CEP162: variants seen among roughly 807,000 people sequenced by gnomAD.
CEP162 encodes centrosomal protein 162.
A neutral mutation model predicts 169.2 loss-of-function variants in CEP162; 141 were observed. That is an observed-to-expected ratio of 0.83 (90% CI 0.73 to 0.96). CEP162 has a LOEUF of 0.96. Ranked by LOEUF, CEP162 falls within the 40% of genes least tolerant of loss-of-function variation. CEP162 has a pLI of 0.00. For missense variants in CEP162, 1,600 were observed against 1,587.2 expected, an observed-to-expected ratio of 1.01 and a Z score of -0.14; for synonymous variants, 540 against 526.4, an observed-to-expected ratio of 1.03 and a Z score of -0.35.
intron 5 of CEP162, 95 bp downstream of exon 5, chr6:84,215,185 CCT>C (rs1255817137): frequency 1.8e-6 from 1 of 567,104 alleles, no homozygotes; most frequent in African/African-American, 2.0e-5. Context: ...TTTAAGTTTG[CCT>C]GTTATAATGT....
At chr6:84,184,667 T>C (rs985158441) in intron 13 of CEP162, among the ~76,000 whole-genome samples, 5 of 152,116 alleles carry the variant, frequency 3.3e-5, no homozygotes, top group Non-Finnish European at 7.4e-5. Flanking sequence ...CAGGTTAGCA[T>C]GATCAGGGGT....
chr6:84,152,827 C>T lies in CEP162; in HGVS notation c.3347G>A (p.Arg1116Lys), dbSNP rs57366551. The change falls in exon 23 of 27, where the codon AGA becomes AAA. Residue 1116 changes from arginine (R) to lysine (K), a missense_variant. Transcript: ENST00000403245. Reference protein sequence around the residue: ...KTVERLQKDRRMMLSNQNSKG... With the variant: ...KTVERLQKDRKMMLSNQNSKG... ...TGAGTTCTGATTTGATAGCATCATT[C>T]TTCTGTCTTTCTGAAGCCTCTCCAC... is the stretch of plus-strand genomic sequence containing the variant. 5.4e-4 allele frequency: 875 copies of T among 1,613,580 alleles called. 7 individuals are homozygous for T. The African/African-American group carries it at 0.01, about 19-fold the overall frequency.
At chr6:84,151,274 G>A (rs1406493157) in intron 23 of CEP162, among the ~76,000 whole-genome samples, 1 of 151,892 alleles carries the variant, frequency 6.6e-6, no homozygotes, top group African/African-American at 2.4e-5. Context: ...AGATGACTGG[G>A]GAAGGTTAAA....
Position 84,124,682 on chromosome 6 carries a change from C to A in CEP162, c.*388G>T. 4.0e-6 allele frequency: 1 copy of A among 248,148 alleles called. No homozygotes were observed. The highest frequency in any genetic ancestry group is 7.7e-6 in the Non-Finnish European group (1 of 130,448). 15.4% of individuals were successfully genotyped at this position (248,148 alleles called of 1,614,324 possible). ...TAGAAGCCCAATTCCCACCATTATT[C>A]AATACACCCATGTTACAACAAGCAC... On this transcript the variant is annotated 3_prime_UTR_variant, in exon 27 of 27. Coordinates refer to ENST00000403245, the MANE Select transcript of CEP162 (RefSeq NM_014895.4).
intron 16 of CEP162, 95 bp from the exon 17 acceptor site, chr6:84,171,813 C>T (rs993062365): frequency 1.6e-5 from 7 of 441,056 alleles, no homozygotes; most frequent in African/African-American, 1.0e-4. Context: ...CTTTAAACGG[C>T]CTTTTAAGTT....
chr6:84,183,501 C>A (rs530907212), intron 13 of CEP162, among the ~76,000 whole-genome samples: 5 of 152,076 alleles, frequency 3.3e-5, no homozygotes, highest in Non-Finnish European at 5.9e-5. Flanking sequence ...CCTACTATGA[C>A]TATCATCTTT....
chr6:84,150,171 A>ACAAT (rs2099520565), intron 23 of CEP162, among the ~76,000 whole-genome samples: 1 of 152,150 alleles, frequency 6.6e-6, no homozygotes, highest in South Asian at 2.1e-4. Flanking sequence ...TGAGAATGAG[A>ACAAT]CAATCTTTAT....
At chr6:84,140,310 G>A (rs531361397) in intron 25 of CEP162, among the ~76,000 whole-genome samples, 1 of 152,166 alleles carries the variant, frequency 6.6e-6, no homozygotes, top group Admixed American at 6.5e-5. Context: ...TGCCTGTGTG[G>A]TGTCACAGAT....
chr6:84,169,490 G>A, intron 17 of CEP162, 57 bp from the exon 18 acceptor site: 1 of 963,040 alleles, frequency 1.0e-6, no homozygotes, highest in South Asian at 1.7e-5. Flanking sequence ...GCTCCTTTCA[G>A]TAGAAAATAT....
chr6:84,212,889 A>G (rs2099550067), intron 6 of CEP162, 68 bp downstream of exon 6: 3 of 964,774 alleles, frequency 3.1e-6, no homozygotes, highest in African/African-American at 3.3e-5. Flanking sequence ...TATTTTTCTT[A>G]TTAATGTCTT....
chr6:84,169,538 CTGTA>C, intron 17 of CEP162, 105 bp from the exon 18 acceptor site: 1 of 599,740 alleles, frequency 1.7e-6, no homozygotes, highest in Non-Finnish European at 2.8e-6. Flanking sequence ...TACATTGAAA[CTGTA>C]TGCATAAATG....
At chr6:84,225,985 T>C (rs147787622) in intron 2 of CEP162, among the ~76,000 whole-genome samples, 8 of 151,416 alleles carry the variant, frequency 5.3e-5, no homozygotes, top group African/African-American at 1.7e-4. Flanking sequence ...ATGAAGGCAG[T>C]GAGATATGTA....
intron 18 of CEP162, among the ~76,000 whole-genome samples, chr6:84,167,773 G>A (rs1369104300): frequency 6.6e-6 from 1 of 152,164 alleles, no homozygotes; most frequent in Non-Finnish European, 1.5e-5. Flanking sequence ...ATTAAAGTAT[G>A]TGCAGAGGAG....
chr6:84,134,844 T>C (rs2099513230), intron 25 of CEP162, among the ~76,000 whole-genome samples: 1 of 151,274 alleles, frequency 6.6e-6, no homozygotes, highest in Non-Finnish European at 1.5e-5. Context: ...AATAATTATA[T>C]TATAATGCCT....
At chr6:84,214,584 A>C (rs192852473) in intron 5 of CEP162, among the ~76,000 whole-genome samples, 40 of 152,338 alleles carry the variant, frequency 2.6e-4, no homozygotes, top group African/African-American at 9.4e-4. Context: ...CACTGTCTAT[A>C]AAAAACTAAC....
chr6:84,183,713 G>A (rs1266383041), intron 13 of CEP162, among the ~76,000 whole-genome samples: 1 of 152,078 alleles, frequency 6.6e-6, no homozygotes, highest in Non-Finnish European at 1.5e-5. Context: ...TGGCAAAAAT[G>A]TATTTCTTGG....
At chr6:84,210,205 A>AAC (rs1177795890) in intron 6 of CEP162, among the ~76,000 whole-genome samples, 2 of 152,240 alleles carry the variant, frequency 1.3e-5, no homozygotes, top group Non-Finnish European at 2.9e-5. Flanking sequence ...AACTTCAAAA[A>AAC]TGTTATTTTG....
chr6:84,171,567 CTAAGTA>C lies in CEP162; in HGVS notation c.2279+33_2279+38del, dbSNP rs756213425. The C allele has an allele frequency of 4.8e-5, 35 of 735,936 alleles. No individual in the cohort carries two copies. The African/African-American group carries it at 5.2e-4, about 11-fold the overall frequency. The allele number at this position is 735,936 out of a possible 1,614,324, so 45.6% of individuals were successfully genotyped here. ...ATAATAAGAAAATGCTTGAAATAGT[CTAAGTA>C]TATTTGATTTTAAGAAGTTCAAAAG... On this transcript the variant is annotated intron_variant, in intron 17 of 26. Transcript: ENST00000403245.
chr6:84,140,874 C>T (rs2099516294), intron 25 of CEP162, among the ~76,000 whole-genome samples: 1 of 152,090 alleles, frequency 6.6e-6, no homozygotes, highest in Non-Finnish European at 1.5e-5. Context: ...AGCAGCAGTT[C>T]CCAGACTTTT....
Sources: gnomAD v4.1 joint callset for allele counts (sites outside exome capture counted in the v4.1 genomes callset) on GRCh38, gnomAD v4.1.1 for gene constraint, MANE v1.5 for transcripts, NCBI Gene and HGNC (gene_info 2026-07-23, HGNC 2026-07-21) for gene names.